The following LCORL variants were observed in gnomAD, a reference collection of about 807,000 sequenced individuals.
LCORL encodes the protein ligand-dependent nuclear receptor corepressor-like protein.
A neutral mutation model predicts 141.8 loss-of-function variants in LCORL; 41 were observed. That is an observed-to-expected ratio of 0.29 (90% CI 0.23 to 0.38). LCORL has a LOEUF of 0.38. LCORL is among the 10% of genes least tolerant of loss of function. The probability of loss-of-function intolerance (pLI) is 1.00; values close to 1 mark genes in which losing one functional copy is unlikely to be tolerated. For synonymous variants in LCORL, 618 were observed against 694.1 expected (o/e 0.89, Z 1.72); for missense variants, 1,759 against 2,035.0 (o/e 0.86, Z 2.61).
At chr4:17,921,976 G>A (rs369427822) in intron 4 of LCORL, among the ~76,000 whole-genome samples, 3 of 152,246 alleles carry the variant, frequency 2.0e-5, no homozygotes, top group East Asian at 3.9e-4. Context: ...GTTTGACAGG[G>A]GCTCTCAGGC....
chr4:17,942,943 C>T (rs748062630), intron 4 of LCORL, among the ~76,000 whole-genome samples: 15 of 152,122 alleles, frequency 9.9e-5, no homozygotes, highest in African/African-American at 3.1e-4. Flanking sequence ...CTATTGTGAA[C>T]TGTGCATGAG....
chr4:18,017,567 T>C (rs1382477171), intron 1 of LCORL, among the ~76,000 whole-genome samples: 1 of 152,094 alleles, frequency 6.6e-6, no homozygotes, highest in Non-Finnish European at 1.5e-5. Flanking sequence ...ACCAATCTAA[T>C]CATGAGAAAG....
exon 7 of LCORL, chr4:17,875,709 C>T: frequency 8.1e-7 from 1 of 1,231,190 alleles, no homozygotes; most frequent in Non-Finnish European, 1.0e-6. Flanking sequence ...TCCAATTGGT[C>T]GCTTAATCTG....
At chr4:17,918,996 T>C (rs1733893554) in intron 4 of LCORL, among the ~76,000 whole-genome samples, 1 of 152,040 alleles carries the variant, frequency 6.6e-6, no homozygotes, top group Non-Finnish European at 1.5e-5. Context: ...AACAAACCTT[T>C]AGCTAAACAG....
At chr4:17,921,821 G>C (rs1577426771) in intron 4 of LCORL, among the ~76,000 whole-genome samples, 2 of 152,282 alleles carry the variant, frequency 1.3e-5, no homozygotes, top group East Asian at 3.9e-4. Flanking sequence ...AGTTAGGCTA[G>C]GATAAAAGCA....
chr4:17,889,686 A>G (rs1445412483), intron 5 of LCORL, among the ~76,000 whole-genome samples: 1 of 151,970 alleles, frequency 6.6e-6, no homozygotes, highest in Non-Finnish European at 1.5e-5. Flanking sequence ...TTAGAAAAAC[A>G]AAAACAATGA....
chr4:17,960,919 T>C (rs113895134), intron 4 of LCORL, among the ~76,000 whole-genome samples: 10,668 of 152,154 alleles, frequency 0.07, 1,271 homozygotes, highest in African/African-American at 0.24. Context: ...AAGACTCTTC[T>C]AATAAGAGGA....
intron 1 of LCORL, among the ~76,000 whole-genome samples, chr4:17,989,199 C>T (rs1457893686): frequency 6.6e-6 from 1 of 152,162 alleles, no homozygotes; most frequent in Non-Finnish European, 1.5e-5. Context: ...TTGATGATCT[C>T]CTCAAGGTAA....
chr4:17,887,184 G>A (rs1047873823), intron 5 of LCORL, among the ~76,000 whole-genome samples: 1 of 151,768 alleles, frequency 6.6e-6, no homozygotes, highest in African/African-American at 2.4e-5. Context: ...TTTATTGAGC[G>A]CTCACTATAT....
intron 1 of LCORL, among the ~76,000 whole-genome samples, chr4:18,011,941 C>T (rs147144243): frequency 2.0e-3 from 309 of 152,210 alleles, no homozygotes; most frequent in African/African-American, 6.9e-3. Context: ...TACATTACAC[C>T]AAGTCTAATA....
intron 7 of LCORL, among the ~76,000 whole-genome samples, chr4:17,865,212 C>CA (rs1472517354): frequency 6.6e-6 from 1 of 152,184 alleles, no homozygotes; most frequent in Non-Finnish European, 1.5e-5. Flanking sequence ...TTCAAGAACA[C>CA]ACAGAACATT....
intron 1 of LCORL, among the ~76,000 whole-genome samples, chr4:17,977,320 T>C (rs1307881005): frequency 3.3e-5 from 5 of 152,170 alleles, no homozygotes; most frequent in Non-Finnish European, 7.4e-5. Context: ...AACCAAACTG[T>C]TTTCAAAGTT....
intron 1 of LCORL, among the ~76,000 whole-genome samples, chr4:17,998,988 ATATATATATATATATACACACAT>A (rs1560464172): frequency 6.5e-4 from 35 of 53,934 alleles, no homozygotes; most frequent in African/African-American, 2.2e-3. Flanking sequence ...AAAAAAAAAT[ATATATATATATATATACACACAT>A]ATATATATAT....
Position 17,936,473 on chromosome 4 carries a change from T to C in LCORL, c.430+25430A>G, listed in dbSNP as rs115336677. Reference sequence around the variant, plus strand: ...GGTTTTCCCATCTTCCAGATCAGTATTTTTTTTCCACCAGATCATGTGGTC... The same window carrying C: ...GGTTTTCCCATCTTCCAGATCAGTACTTTTTTTCCACCAGATCATGTGGTC... On this transcript the variant is annotated intron_variant, in intron 4 of 7. Transcript: ENST00000635767. 2.5e-3 allele frequency among the ~76,000 whole-genome samples: 373 copies of C among 151,960 alleles called. 2 individuals carry two copies. The highest frequency in any genetic ancestry group is 7.7e-3 in the African/African-American group (321 of 41,456).
At chr4:17,876,798 A>T in exon 7 of LCORL, 1 of 1,230,698 alleles carries the variant, frequency 8.1e-7, no homozygotes, top group Non-Finnish European at 1.0e-6. Context: ...TGGCTTTCTT[A>T]TGCTCATTTT....
At chr4:17,883,794 A>G in intron 6 of LCORL, 1 of 1,550,666 alleles carries the variant, frequency 6.4e-7, no homozygotes, top group Non-Finnish European at 8.7e-7. Flanking sequence ...GTGTCTGGTA[A>G]TCGTAGTTTC....
At chr4:17,990,728 A>C (rs769859696) in intron 1 of LCORL, among the ~76,000 whole-genome samples, 1 of 150,116 alleles carries the variant, frequency 6.7e-6, no homozygotes, top group Non-Finnish European at 1.5e-5. Context: ...CTGGTGGTGC[A>C]GCATCTCCAC....
chr4:17,897,597 T>C (rs1016373979), intron 5 of LCORL, among the ~76,000 whole-genome samples: 14 of 152,174 alleles, frequency 9.2e-5, no homozygotes, highest in African/African-American at 3.1e-4. Context: ...GTACCTCCAA[T>C]AGAGACTACT....
chr4:17,856,985 T>C (rs964713223), intron 7 of LCORL, among the ~76,000 whole-genome samples: 15 of 152,208 alleles, frequency 9.9e-5, no homozygotes, highest in African/African-American at 3.4e-4. Flanking sequence ...GAGATCCTCG[T>C]TGTTCTTGTT....
Sources: gnomAD v4.1 joint callset for allele counts (sites outside exome capture counted in the v4.1 genomes callset) on GRCh38, gnomAD v4.1.1 for gene constraint, MANE v1.5 for transcripts, NCBI Gene and HGNC (gene_info 2026-07-23, HGNC 2026-07-21) for gene names.